NOL10: variants seen among roughly 807,000 people sequenced by gnomAD.
NOL10 encodes the protein nucleolar protein 10.
A neutral mutation model predicts 103.5 loss-of-function variants in NOL10; 58 were observed. The observed-to-expected ratio is 0.56, with a 90% CI of 0.45 to 0.70. The LOEUF (loss-of-function observed/expected upper bound fraction) is 0.70. Ranked by LOEUF, NOL10 falls within the 30% of genes least tolerant of loss-of-function variation. The pLI is 0.00. For synonymous variants in NOL10, 287 were observed against 282.5 expected (o/e 1.02, Z -0.16); for missense variants, 763 against 807.3 (o/e 0.95, Z 0.67).
At chr2:10,587,513 C>A (rs1482291405) in intron 19 of NOL10, among the ~76,000 whole-genome samples, 2 of 64,836 alleles carry the variant, frequency 3.1e-5, no homozygotes, top group South Asian at 4.5e-4. Context: ...TCATGATCTG[C>A]CCCCCCCTTG....
At chr2:10,667,425 AC>A in intron 7 of NOL10, 147 bp from the exon 8 acceptor site, 1 of 670,578 alleles carries the variant, frequency 1.5e-6, no homozygotes, top group Non-Finnish European at 2.6e-6. Flanking sequence ...AATGGAAAAC[AC>A]CAAGGTATGA....
At chr2:10,599,335 T>C (rs1206052042) in intron 17 of NOL10, among the ~76,000 whole-genome samples, 1 of 152,244 alleles carries the variant, frequency 6.6e-6, no homozygotes, top group Non-Finnish European at 1.5e-5. Context: ...TCCATTTAGC[T>C]TTTACTGTAA....
At chr2:10,651,685 G>T (rs1030409898) in intron 12 of NOL10, among the ~76,000 whole-genome samples, 1 of 151,726 alleles carries the variant, frequency 6.6e-6, no homozygotes, top group Non-Finnish European at 1.5e-5. Flanking sequence ...TCCCCCAGTC[G>T]CACTATCCCT....
At chr2:10,597,536 G>A (rs930856782) in intron 17 of NOL10, among the ~76,000 whole-genome samples, 3 of 152,180 alleles carry the variant, frequency 2.0e-5, no homozygotes, top group Non-Finnish European at 1.5e-5. Flanking sequence ...TAATTCATGA[G>A]TGATTTCTAC....
chr2:10,631,504 TTTAA>T (rs1456540186), intron 13 of NOL10, among the ~76,000 whole-genome samples: 1 of 152,026 alleles, frequency 6.6e-6, no homozygotes. Flanking sequence ...GAAAAAAAAG[TTTAA>T]TTAACCTATC....
intron 13 of NOL10, among the ~76,000 whole-genome samples, chr2:10,609,133 A>T (rs879646732): frequency 1.1e-4 from 16 of 152,058 alleles, no homozygotes; most frequent in Non-Finnish European, 2.2e-4. Context: ...TCCCTGAAGA[A>T]GTTTAAAATC....
intron 3 of NOL10, among the ~76,000 whole-genome samples, chr2:10,681,268 A>G (rs1010040585): frequency 2.1e-5 from 3 of 144,552 alleles, no homozygotes; most frequent in Admixed American, 6.9e-5. Context: ...ATAGAATGAA[A>G]TATCTTTTGG....
chr2:10,577,760 G>A (rs1326708700), intron 19 of NOL10, 22 bp from the exon 20 acceptor site: 4 of 1,449,702 alleles, frequency 2.8e-6, no homozygotes, highest in African/African-American at 2.8e-5. Context: ...TCAAAAGAAT[G>A]CCACATTAAT....
At chr2:10,589,892 T>G in intron 17 of NOL10, 141 bp from the exon 18 acceptor site, 5 of 475,218 alleles carry the variant, frequency 1.1e-5, no homozygotes, top group South Asian at 5.6e-5. Flanking sequence ...ATGAAATTTC[T>G]TCCAGGACTT....
chr2:10,669,785 G>A (rs1458941190), intron 6 of NOL10, among the ~76,000 whole-genome samples: 2 of 151,804 alleles, frequency 1.3e-5, no homozygotes, highest in Non-Finnish European at 1.5e-5. Context: ...CCAGCTACTC[G>A]GGAGGATGGG....
chr2:10,653,137 A>G (rs1679590847), intron 12 of NOL10, among the ~76,000 whole-genome samples: 1 of 150,522 alleles, frequency 6.6e-6, no homozygotes, highest in African/African-American at 2.4e-5. Context: ...AGAGGTTGCA[A>G]TGAGCAGAGA....
intron 13 of NOL10, among the ~76,000 whole-genome samples, chr2:10,622,488 C>CAAA (rs77285222): frequency 8.0e-6 from 1 of 124,848 alleles, no homozygotes; most frequent in Non-Finnish European, 1.6e-5. Flanking sequence ...GAGCGTTTTT[C>CAAA]AAAAAAAAAG....
At chr2:10,596,536 C>A (rs1015787018) in intron 17 of NOL10, among the ~76,000 whole-genome samples, 4 of 152,110 alleles carry the variant, frequency 2.6e-5, no homozygotes, top group Admixed American at 1.3e-4. Context: ...AGGGTTCATG[C>A]TCCTATGAGA....
intron 13 of NOL10, among the ~76,000 whole-genome samples, chr2:10,614,886 T>C (rs1438775974): frequency 6.6e-6 from 1 of 152,244 alleles, no homozygotes; most frequent in African/African-American, 2.4e-5. Context: ...AAATGGGATT[T>C]TGCCAATTAA....
intron 8 of NOL10, 96 bp from the exon 9 acceptor site, chr2:10,663,140 G>C (rs982285051): frequency 4.5e-6 from 4 of 892,362 alleles, no homozygotes; most frequent in Non-Finnish European, 7.2e-6. Context: ...GCCGAGGCGG[G>C]CTGATCACCT....
chr2:10,573,033 T>C (rs1674262366), intron 20 of NOL10, among the ~76,000 whole-genome samples: 1 of 151,124 alleles, frequency 6.6e-6, no homozygotes, highest in African/African-American at 2.4e-5. Flanking sequence ...TTTGATGGTT[T>C]TGAAAATACA....
At chr2:10,672,473 T>C (rs1395748377) in intron 5 of NOL10, among the ~76,000 whole-genome samples, 1 of 152,170 alleles carries the variant, frequency 6.6e-6, no homozygotes, top group Non-Finnish European at 1.5e-5. Flanking sequence ...TGTCAGTATT[T>C]AGAGAAAATA....
In NOL10 at chr2:10,606,420, T is replaced by C. The variant is rs1247038221; in HGVS notation, c.1153+765A>G. On this transcript the variant is annotated intron_variant, in intron 14 of 20. Transcript: ENST00000381685. ...TGGGTGGATCACCTGAGGCCAGGAG[T>C]TCAAGACCAGCCCGGCCAACATGGT... Among the ~76,000 whole-genome samples, 4 of 149,918 alleles carry C rather than the reference T, an allele frequency of 2.7e-5. No individual in the cohort carries two copies. In the South Asian group the frequency reaches 6.4e-4, roughly 24 times the overall value.
chr2:10,653,694 T>C lies in NOL10; in HGVS notation c.973+787A>G, dbSNP rs796862017. Among the ~76,000 whole-genome samples, 8 of 152,168 alleles carry C rather than the reference T, an allele frequency of 5.3e-5. No homozygotes were observed. In the East Asian group the frequency reaches 1.4e-3, roughly 26 times the overall value. ...CCTCTGTGCCCATCCTTTTTGGTCA[T>C]CTTGGACTGCTCTCCCATGAGAATC... On this transcript the variant is annotated intron_variant, in intron 12 of 20. Coordinates refer to ENST00000381685, the MANE Select transcript of NOL10 (RefSeq NM_024894.4).
Sources: gnomAD v4.1 joint callset for allele counts (sites outside exome capture counted in the v4.1 genomes callset) on GRCh38, gnomAD v4.1.1 for gene constraint, MANE v1.5 for transcripts, NCBI Gene and HGNC (gene_info 2026-07-23, HGNC 2026-07-21) for gene names.